Variants in NBPF12 observed in about 807,000 individuals in gnomAD.
NBPF12 encodes NBPF family member NBPF12.
NBPF12 carries 115 observed loss-of-function variants against 146.4 expected under a neutral mutation model. The ratio of observed to expected loss-of-function variants is 0.79; its 90% CI spans 0.68 to 0.92. The LOEUF (loss-of-function observed/expected upper bound fraction) is 0.92. NBPF12 is among the 40% of genes least tolerant of loss of function. The probability of loss-of-function intolerance (pLI) is 0.00; values close to 1 mark genes in which losing one functional copy is unlikely to be tolerated. For synonymous variants in NBPF12, 385 were observed against 508.9 expected, an observed-to-expected ratio of 0.76 and a Z score of 3.28; for missense variants, 1,205 against 1,326.8, an observed-to-expected ratio of 0.91 and a Z score of 1.43.
At position 146,971,087 on chromosome 1, in the gene NBPF12, C is replaced by G. The variant is rs1435181431; in HGVS notation, c.1380-96C>G. On this transcript the variant is annotated intron_variant, in intron 12 of 33. Coordinates refer to ENST00000617844, the Ensembl canonical transcript of NBPF12. Reference sequence around the variant, plus strand: ...CTCCATTTTGCTTTCTGGGACCACTCTCTTAATGCCGCTTGTCAAAACCAG... The same window carrying G: ...CTCCATTTTGCTTTCTGGGACCACTGTCTTAATGCCGCTTGTCAAAACCAG... 8.8e-4 allele frequency: 1,402 copies of G among 1,592,624 alleles called. 38 individuals are homozygous for G. The African/African-American group carries it at 0.016, about 18-fold the overall frequency.
chr1:146,994,937 T>G (rs1260316835), exon 34 of NBPF12: 5 of 369,352 alleles, frequency 1.4e-5, no homozygotes, highest in East Asian at 6.4e-5. Context: ...TTGTGTTTAG[T>G]TCATCCAAAG....
At chr1:146,982,529 C>A (rs1342304461) in intron 19 of NBPF12, among the ~76,000 whole-genome samples, 2 of 151,414 alleles carry the variant, frequency 1.3e-5, no homozygotes, top group African/African-American at 4.9e-5. Context: ...AAAATGGGGC[C>A]CTTAATACAC....
exon 34 of NBPF12, chr1:146,995,656 C>G (rs1658496681): frequency 6.7e-6 from 1 of 149,796 alleles, no homozygotes; most frequent in Admixed American, 6.6e-5. Context: ...TCAGCCTAAA[C>G]TTTTTGCTGG....
intron 1 of NBPF12, among the ~76,000 whole-genome samples, chr1:146,942,488 C>T (rs12404637): frequency 0.15 from 22,410 of 151,516 alleles, 2,067 homozygotes; most frequent in Admixed American, 0.27. Flanking sequence ...CTTGACCTCA[C>T]CTGGCATGAA....
At chr1:146,972,369 G>A (rs1253759963) in intron 13 of NBPF12, among the ~76,000 whole-genome samples, 1 of 151,308 alleles carries the variant, frequency 6.6e-6, no homozygotes, top group African/African-American at 2.5e-5. Context: ...ACTGCAGCCT[G>A]CGTGACAGAG....
intron 1 of NBPF12, among the ~76,000 whole-genome samples, chr1:146,949,824 G>A (rs1193760279): frequency 6.6e-6 from 1 of 151,956 alleles, no homozygotes; most frequent in Non-Finnish European, 1.5e-5. Flanking sequence ...GAGGCCACGT[G>A]CTTTCCTCCT....
intron 1 of NBPF12, among the ~76,000 whole-genome samples, chr1:146,941,992 C>T (rs1216492635): frequency 1.4e-5 from 2 of 147,828 alleles, no homozygotes; most frequent in Admixed American, 6.7e-5. Context: ...TGAGTAGCTG[C>T]GACTATAGGC....
exon 13 of NBPF12, chr1:146,971,210 A>C: frequency 6.2e-7 from 1 of 1,611,832 alleles, no homozygotes; most frequent in Non-Finnish European, 8.5e-7. Flanking sequence ...AAGAAAGCAA[A>C]GTCCCTGAGG....
At chr1:146,951,376 A>G in exon 2 of NBPF12, 1 of 632,132 alleles carries the variant, frequency 1.6e-6, no homozygotes, top group Non-Finnish European at 2.8e-6. Context: ...GTCAAACAAA[A>G]TAATATCATA....
intron 2 of NBPF12, among the ~76,000 whole-genome samples, chr1:146,954,632 A>C (rs1172479331): frequency 1.3e-5 from 2 of 150,366 alleles, no homozygotes; most frequent in Non-Finnish European, 3.0e-5. Flanking sequence ...TTTCAAGCTG[A>C]TTCTACCATT....
upstream of NBPF12, among the ~76,000 whole-genome samples, chr1:146,938,450 G>C (rs1654629658): frequency 6.6e-6 from 1 of 152,126 alleles, no homozygotes; most frequent in Non-Finnish European, 1.5e-5. Context: ...AAGTGGCCGG[G>C]GAAATCGGCG....
chr1:146,949,226 CTCTT>C (rs1357187644), upstream of NBPF12: 1 of 151,780 alleles, frequency 6.6e-6, no homozygotes, highest in Non-Finnish European at 1.5e-5. Context: ...GTCTCTGTGT[CTCTT>C]TCTTTTCCAA....
intron 23 of NBPF12, among the ~76,000 whole-genome samples, chr1:146,986,116 C>G (rs1657742064): frequency 6.6e-6 from 1 of 151,788 alleles, no homozygotes; most frequent in African/African-American, 2.4e-5. Context: ...GTCACCCGGC[C>G]AATTCGCTGA....
At chr1:146,969,636 C>T (rs1570856144) in intron 11 of NBPF12, 40 bp downstream of exon 14, 1 of 1,581,546 alleles carries the variant, frequency 6.3e-7, no homozygotes, top group South Asian at 1.1e-5. Flanking sequence ...AAACCCCAGG[C>T]TTATGAGAGG....
rs1483081232 is a variant in NBPF12 at position 146,973,991 on chromosome 1, C to T, written c.1802-748C>T. ...GCTCCATCCAAGTTGCTTGTCTTGT[C>T]TGTCCCTCAGTTTCCTCACCTGTTC... is the stretch of plus-strand genomic sequence containing the variant. On this transcript the variant is annotated intron_variant, in intron 14 of 33. Transcript: ENST00000617844. Among the ~76,000 whole-genome samples the T allele has an allele frequency of 5.4e-4, 81 of 151,026 alleles. 3 individuals are homozygous for T. Among genetic ancestry groups the T allele is most frequent in the Admixed American group, 5.0e-3 (76 of 15,216 alleles).
At chr1:146,948,230 C>CT (rs1188482159), upstream of NBPF12, among the ~76,000 whole-genome samples, 1,583 of 151,704 alleles carry the variant, frequency 0.01, 39 homozygotes, top group African/African-American at 0.037. Flanking sequence ...AGGTTGGTCT[C>CT]TAACTCTTGA....
At chr1:146,964,308 T>A (rs1171833194) in intron 6 of NBPF12, 49 bp from the exon 10 acceptor site, 14 of 1,597,616 alleles carry the variant, frequency 8.8e-6, no homozygotes, top group African/African-American at 8.1e-5. Flanking sequence ...TGACTGTGCT[T>A]GCAGAATGTG....
At chr1:146,970,916 A>T (rs1355934141) in intron 12 of NBPF12, among the ~76,000 whole-genome samples, 197 bp downstream of exon 15, 1 of 151,354 alleles carries the variant, frequency 6.6e-6, no homozygotes, top group Non-Finnish European at 1.5e-5. Context: ...TGTCTGTACC[A>T]TACAGGGATA....
rs1449457912 is a variant in NBPF12 at position 146,955,837 on chromosome 1, A to G, written c.-183-4022A>G. ...GTGGAGGCCTGGGGAGTTTCTTCAG[A>G]CCCCCAGTAAAACTCGTTTAATACT... On this transcript the variant is annotated intron_variant, in intron 2 of 33. Transcript: ENST00000617844. Among the ~76,000 whole-genome samples, 45 of 150,464 alleles carry G rather than the reference A, an allele frequency of 3.0e-4. 1 individual carries two copies. Among genetic ancestry groups the G allele is most frequent in the African/African-American group, 1.1e-3 (44 of 40,498 alleles).
Sources: allele counts gnomAD v4.1 joint callset (sites outside exome capture counted in the v4.1 genomes callset), GRCh38; gene constraint gnomAD v4.1.1; transcripts MANE v1.5; gene names NCBI Gene and HGNC (gene_info 2026-07-23, HGNC 2026-07-21).